Variants in GRID2 observed in about 807,000 individuals in gnomAD.
GRID2 encodes glutamate receptor ionotropic, delta-2.
In GRID2, 33 loss-of-function variants were observed where a neutral mutation model predicts 114.8. That is an observed-to-expected ratio of 0.29 (90% CI 0.22 to 0.38). The LOEUF (loss-of-function observed/expected upper bound fraction) is 0.38, where lower values mean the gene tolerates loss of function less well. Ranked by LOEUF, GRID2 falls within the 10% of genes least tolerant of loss-of-function variation. The probability of loss-of-function intolerance (pLI) is 1.00; values close to 1 mark genes in which losing one functional copy is unlikely to be tolerated. For missense variants in GRID2, 1,184 were observed against 1,257.7 expected (o/e 0.94, Z 0.89); for synonymous variants, 505 against 449.9 (o/e 1.12, Z -1.55).
intron 2 of GRID2, among the ~76,000 whole-genome samples, chr4:92,857,067 A>G (rs1448211650): frequency 6.6e-6 from 1 of 152,168 alleles, no homozygotes; most frequent in Non-Finnish European, 1.5e-5. Context: ...CCACGCCCAT[A>G]TGATAGCAAA....
chr4:93,329,856 C>A (rs911921894), intron 8 of GRID2, among the ~76,000 whole-genome samples: 3 of 151,434 alleles, frequency 2.0e-5, no homozygotes, highest in Admixed American at 2.0e-4. Context: ...TCTTTACAAA[C>A]GTAGGATTCT....
intron 2 of GRID2, among the ~76,000 whole-genome samples, chr4:92,703,617 TTATATA>T (rs3971001): frequency 0.016 from 2,273 of 140,988 alleles, 46 homozygotes; most frequent in African/African-American, 0.045. Context: ...AGGAAAAACA[TTATATA>T]TATATATATA....
In GRID2 at chr4:92,755,261, ATTC is replaced by A. The variant is rs1737656745; in HGVS notation, c.244+164980_244+164982del. Among the ~76,000 whole-genome samples, 7 of 152,318 alleles carry A rather than the reference ATTC, an allele frequency of 4.6e-5. 1 individual carries two copies. The South Asian group carries it at 1.2e-3, about 27-fold the overall frequency. ...AGATATTTAATCTATACCTATTGTT[ATTC>A]TTCTAAAAAAATAACTTTTTTGGCA... On this transcript the variant is annotated intron_variant, in intron 2 of 15. Coordinates refer to ENST00000282020, the MANE Select transcript of GRID2 (RefSeq NM_001510.4).
At chr4:93,580,010 T>C (rs1354976380) in intron 13 of GRID2, among the ~76,000 whole-genome samples, 1 of 152,236 alleles carries the variant, frequency 6.6e-6, no homozygotes, top group Non-Finnish European at 1.5e-5. Context: ...TTTTGAAGAA[T>C]GGACTGAGTT....
intron 2 of GRID2, among the ~76,000 whole-genome samples, chr4:92,855,919 A>G (rs543248359): frequency 2.6e-4 from 40 of 152,188 alleles, no homozygotes; most frequent in African/African-American, 8.2e-4. Flanking sequence ...CAATGTTAAC[A>G]GTCTACTTGA....
chr4:92,323,033 T>G (rs1029323182), intron 1 of GRID2, among the ~76,000 whole-genome samples: 1 of 152,108 alleles, frequency 6.6e-6, no homozygotes. Flanking sequence ...GATTGGACAT[T>G]GGCAATTGCA....
At chr4:92,512,014 G>A (rs1724276558) in intron 1 of GRID2, among the ~76,000 whole-genome samples, 1 of 150,562 alleles carries the variant, frequency 6.6e-6, no homozygotes, top group African/African-American at 2.4e-5. Context: ...TACATCCCAT[G>A]TCCATGAATT....
chr4:93,808,717 C>T (rs1735078336), exon 2 of GRID2: 1 of 152,240 alleles, frequency 6.6e-6, no homozygotes, highest in African/African-American at 2.4e-5. Flanking sequence ...AGCCAGCCCT[C>T]TTGATGGACA....
At chr4:92,653,260 A>C (rs1579773740) in intron 2 of GRID2, among the ~76,000 whole-genome samples, 3 of 149,858 alleles carry the variant, frequency 2.0e-5, no homozygotes, top group East Asian at 4.0e-4. Context: ...CGGCCTCCCA[A>C]AGTGCTAGGA....
rs78790347 is a variant in GRID2 at position 93,137,086 on chromosome 4, T to C, written c.735+26133T>C. Reference sequence around the variant, plus strand: ...TTTAAAATCTTGGACTGTATGTCAGTAGTTTAAAATTCTAAATGATGAAAT... The same window carrying C: ...TTTAAAATCTTGGACTGTATGTCAGCAGTTTAAAATTCTAAATGATGAAAT... On this transcript the variant is annotated intron_variant, in intron 4 of 15. Coordinates refer to ENST00000282020, the MANE Select transcript of GRID2 (RefSeq NM_001510.4). Among the ~76,000 whole-genome samples, 1,212 of 152,274 alleles carry C rather than the reference T, an allele frequency of 8.0e-3. 17 individuals are homozygous for C. Among genetic ancestry groups the C allele is most frequent in the African/African-American group, 0.028 (1,145 of 41,558 alleles).
At chr4:93,307,220 A>T (rs1755528719) in intron 8 of GRID2, among the ~76,000 whole-genome samples, 1 of 151,932 alleles carries the variant, frequency 6.6e-6, no homozygotes, top group Non-Finnish European at 1.5e-5. Flanking sequence ...AAAAATAAAA[A>T]AAAAAAAAAT....
At chr4:92,662,808 A>G (rs2149270268) in intron 2 of GRID2, among the ~76,000 whole-genome samples, 1 of 151,140 alleles carries the variant, frequency 6.6e-6, no homozygotes, top group East Asian at 1.9e-4. Context: ...ACAATATTGG[A>G]GTTTTCTGGA....
intron 1 of GRID2, among the ~76,000 whole-genome samples, chr4:92,446,246 T>C (rs1462477189): frequency 1.3e-5 from 2 of 152,114 alleles, no homozygotes; most frequent in Non-Finnish European, 2.9e-5. Context: ...CACACCTGGC[T>C]TTATCCCATA....
chr4:92,457,002 T>C (rs1721248929), intron 1 of GRID2, among the ~76,000 whole-genome samples: 1 of 152,192 alleles, frequency 6.6e-6, no homozygotes. Flanking sequence ...ATGTGTATAT[T>C]TCTGTCTCCA....
At chr4:93,675,195 T>C (rs1314569181) in intron 14 of GRID2, among the ~76,000 whole-genome samples, 4 of 152,056 alleles carry the variant, frequency 2.6e-5, no homozygotes, top group Non-Finnish European at 4.4e-5. Context: ...CCCTTACATC[T>C]CAAAGGTAAT....
At chr4:92,372,806 G>A (rs983659398) in intron 1 of GRID2, among the ~76,000 whole-genome samples, 12 of 151,916 alleles carry the variant, frequency 7.9e-5, no homozygotes, top group African/African-American at 2.9e-4. Context: ...AAATTCAGAG[G>A]AATTTATGAT....
intron 13 of GRID2, among the ~76,000 whole-genome samples, chr4:93,553,627 T>C (rs571286572): frequency 1.8e-4 from 28 of 152,310 alleles, no homozygotes; most frequent in Admixed American, 3.9e-4. Context: ...TTAAATTATC[T>C]CTAAGATACA....
At chr4:93,620,396 G>C (rs1182211072) in intron 13 of GRID2, among the ~76,000 whole-genome samples, 1 of 152,172 alleles carries the variant, frequency 6.6e-6, no homozygotes. Context: ...GTGAGAAAGA[G>C]TATTGTCCTC....
At chr4:93,458,269 C>T (rs930278660) in intron 11 of GRID2, among the ~76,000 whole-genome samples, 37 of 152,238 alleles carry the variant, frequency 2.4e-4, no homozygotes, top group Admixed American at 2.3e-3. Context: ...TTGGATTTAA[C>T]AATAAATTTA....
Sources: allele counts gnomAD v4.1 joint callset (sites outside exome capture counted in the v4.1 genomes callset), GRCh38; gene constraint gnomAD v4.1.1; transcripts MANE v1.5; gene names NCBI Gene and HGNC (gene_info 2026-07-23, HGNC 2026-07-21).